LRRC8D: variants seen among roughly 807,000 people sequenced by gnomAD.
LRRC8D encodes volume-regulated anion channel subunit LRRC8D.
LRRC8D carries 20 observed loss-of-function variants against 55.8 expected under a neutral mutation model. That is an observed-to-expected ratio of 0.36 (90% confidence interval 0.25 to 0.52). LRRC8D has a LOEUF of 0.52. Among genes scored for constraint, LRRC8D ranks in the 20% least tolerant of loss-of-function variants. LRRC8D has a pLI of 0.93. For missense variants in LRRC8D, 651 were observed against 1,030.8 expected, an observed-to-expected ratio of 0.63 and a Z score of 5.05; for synonymous variants, 352 against 377.0, an observed-to-expected ratio of 0.93 and a Z score of 0.77.
chr1:89,924,242 A>G (rs548446551), intron 2 of LRRC8D, among the ~76,000 whole-genome samples: 1 of 152,344 alleles, frequency 6.6e-6, no homozygotes, highest in South Asian at 2.1e-4. Flanking sequence ...AAACAATCCC[A>G]TTAAGAAATG....
chr1:89,866,584 G>C (rs568422091), intron 2 of LRRC8D, among the ~76,000 whole-genome samples: 5 of 152,134 alleles, frequency 3.3e-5, no homozygotes, highest in Non-Finnish European at 7.4e-5. Context: ...AAGTGTTCTG[G>C]CGTTTCTAGG....
chr1:89,853,708 G>A (rs1414908858), intron 2 of LRRC8D, among the ~76,000 whole-genome samples: 4 of 152,088 alleles, frequency 2.6e-5, no homozygotes, highest in Admixed American at 1.3e-4. Flanking sequence ...AGAAGGGTCC[G>A]GTAGAGTGAA....
At chr1:89,910,924 C>G (rs950112235) in intron 2 of LRRC8D, among the ~76,000 whole-genome samples, 2 of 152,180 alleles carry the variant, frequency 1.3e-5, no homozygotes, top group Non-Finnish European at 2.9e-5. Flanking sequence ...AGCTCCTCCC[C>G]TCTCTACCTC....
chr1:89,922,655 T>C (rs1663454214), intron 2 of LRRC8D, among the ~76,000 whole-genome samples: 1 of 152,212 alleles, frequency 6.6e-6, no homozygotes, highest in Admixed American at 6.5e-5. Context: ...GTTTTTATTA[T>C]TAAGATTTTA....
At chr1:89,870,804 C>T (rs1661988378) in intron 2 of LRRC8D, among the ~76,000 whole-genome samples, 1 of 152,100 alleles carries the variant, frequency 6.6e-6, no homozygotes, top group Non-Finnish European at 1.5e-5. Context: ...AGGCAGTGAC[C>T]AGGGGTACTT....
chr1:89,826,894 T>G (rs1660778213), intron 1 of LRRC8D, among the ~76,000 whole-genome samples: 1 of 152,208 alleles, frequency 6.6e-6, no homozygotes, highest in African/African-American at 2.4e-5. Flanking sequence ...GTGAGTTTCT[T>G]GTGGGCAAAT....
At chr1:89,863,993 G>A (rs189285393) in intron 2 of LRRC8D, among the ~76,000 whole-genome samples, 1 of 152,278 alleles carries the variant, frequency 6.6e-6, no homozygotes, top group East Asian at 1.9e-4. Flanking sequence ...AATCCGTGTT[G>A]TTATGGCATA....
chr1:89,894,489 A>G (rs550178716), intron 2 of LRRC8D, among the ~76,000 whole-genome samples: 20 of 152,322 alleles, frequency 1.3e-4, no homozygotes, highest in Middle Eastern at 3.4e-3. Context: ...TAGGAAATTG[A>G]GATGCTCCCT....
intron 2 of LRRC8D, among the ~76,000 whole-genome samples, chr1:89,900,525 A>AG (rs1415487634): frequency 6.6e-6 from 1 of 151,340 alleles, no homozygotes. Context: ...AAAAAAAAAA[A>AG]CTGACTAAAA....
intron 1 of LRRC8D, among the ~76,000 whole-genome samples, chr1:89,823,828 C>T (rs1660699989): frequency 6.6e-6 from 1 of 151,934 alleles, no homozygotes; most frequent in Non-Finnish European, 1.5e-5. Flanking sequence ...GTGTGTGGAA[C>T]CAGATAAAAG....
intron 1 of LRRC8D, among the ~76,000 whole-genome samples, chr1:89,823,836 A>C (rs1218726385): frequency 6.6e-6 from 1 of 152,202 alleles, no homozygotes; most frequent in Non-Finnish European, 1.5e-5. Context: ...AACCAGATAA[A>C]AGTTTATGAA....
intron 1 of LRRC8D, among the ~76,000 whole-genome samples, chr1:89,821,537 C>T (rs1157448009): frequency 6.6e-6 from 1 of 152,136 alleles, no homozygotes; most frequent in Non-Finnish European, 1.5e-5. Flanking sequence ...GAGCGTCGGC[C>T]GCTTCGGCCC....
intron 2 of LRRC8D, among the ~76,000 whole-genome samples, chr1:89,921,431 T>TATTTAA (rs1207960282): frequency 6.6e-6 from 1 of 152,252 alleles, no homozygotes; most frequent in African/African-American, 2.4e-5. Context: ...ATTAAATTCT[T>TATTTAA]ATTTAAATAA....
At chr1:89,923,838 C>G (rs1449993365) in intron 2 of LRRC8D, among the ~76,000 whole-genome samples, 1 of 152,188 alleles carries the variant, frequency 6.6e-6, no homozygotes, top group Non-Finnish European at 1.5e-5. Flanking sequence ...AATGGACTCC[C>G]TATTCAATAA....
intron 1 of LRRC8D, among the ~76,000 whole-genome samples, chr1:89,839,205 C>T (rs1397650954): frequency 1.3e-5 from 2 of 152,214 alleles, no homozygotes; most frequent in Non-Finnish European, 2.9e-5. Flanking sequence ...TTAATAATGA[C>T]ACCTCCCTGC....
intron 2 of LRRC8D, among the ~76,000 whole-genome samples, chr1:89,929,359 G>A (rs1663643674): frequency 6.6e-6 from 1 of 152,198 alleles, no homozygotes; most frequent in African/African-American, 2.4e-5. Flanking sequence ...ACAAGGGAGA[G>A]AATGGCTTGT....
At chr1:89,841,508 A>G (rs1274249850) in intron 1 of LRRC8D, among the ~76,000 whole-genome samples, 1 of 150,986 alleles carries the variant, frequency 6.6e-6, no homozygotes, top group African/African-American at 2.4e-5. Context: ...ACTAAGTGTT[A>G]TAGCAGAAGG....
intron 1 of LRRC8D, among the ~76,000 whole-genome samples, chr1:89,825,221 A>G (rs932512297): frequency 1.3e-5 from 2 of 152,210 alleles, no homozygotes; most frequent in Non-Finnish European, 2.9e-5. Flanking sequence ...TTGGTCCTAT[A>G]TGAGAGCTGA....
intron 2 of LRRC8D, among the ~76,000 whole-genome samples, chr1:89,865,632 CT>C (rs763050822): frequency 4.1e-4 from 63 of 152,078 alleles, no homozygotes; most frequent in Non-Finnish European, 8.1e-4. Context: ...ACTCGAAAGC[CT>C]TGCTTGCTAG....
Sources: allele counts gnomAD v4.1 joint callset (sites outside exome capture counted in the v4.1 genomes callset), GRCh38; gene constraint gnomAD v4.1.1; transcripts MANE v1.5; gene names NCBI Gene and HGNC (gene_info 2026-07-23, HGNC 2026-07-21).